The following ADAM2 variants were observed in gnomAD, a reference collection of about 807,000 sequenced individuals.
The protein encoded by ADAM2 is disintegrin and metalloproteinase domain-containing protein 2.
Under a neutral mutation model 99.3 loss-of-function variants are expected in ADAM2, and 101 were observed. That is an observed-to-expected ratio of 1.02 (90% confidence interval 0.87 to 1.20). The LOEUF (loss-of-function observed/expected upper bound fraction) is 1.20. Ranked by LOEUF, ADAM2 falls within the 50% of genes most tolerant of loss-of-function variation. The probability of loss-of-function intolerance (pLI) is 0.00; values close to 1 mark genes in which losing one functional copy is unlikely to be tolerated. For missense variants in ADAM2, 948 were observed against 878.7 expected, an observed-to-expected ratio of 1.08 and a Z score of -1.00; for synonymous variants, 323 against 287.6, an observed-to-expected ratio of 1.12 and a Z score of -1.25.
chr8:39,779,098 C>A (rs1803117153), intron 10 of ADAM2, among the ~76,000 whole-genome samples: 1 of 151,476 alleles, frequency 6.6e-6, no homozygotes, highest in African/African-American at 2.4e-5. Flanking sequence ...ATTGTATTTC[C>A]TTTCAAAGAC....
chr8:39,813,578 T>C (rs1804791346), intron 6 of ADAM2, among the ~76,000 whole-genome samples: 2 of 152,308 alleles, frequency 1.3e-5, no homozygotes, highest in East Asian at 1.9e-4. Context: ...CACCATGGAA[T>C]ACTATGTAGC....
In ADAM2 at chr8:39,829,414, T is replaced by G. The variant is rs1211739321; in HGVS notation, c.189-4517A>C. The stretch of plus-strand genomic sequence containing the variant: ...TGCTGTATTTAAAAAGTTAGAGAAA[T>G]TATTTACAGTTGGAGAAATACATAT... On this transcript the variant is annotated intron_variant, in intron 3 of 20. Transcript: ENST00000265708. Among the ~76,000 whole-genome samples, 8 of 152,074 alleles carry G rather than the reference T, an allele frequency of 5.3e-5. No homozygotes were observed. The South Asian group carries it at 1.7e-3, about 31-fold the overall frequency.
chr8:39,837,226 A>C lies in ADAM2; in HGVS notation c.56-14T>G. 1 of 1,580,070 alleles carries C rather than the reference A, an allele frequency of 6.3e-7. No individual in the cohort carries two copies. Among genetic ancestry groups the C allele is most frequent in the East Asian group, 2.3e-5 (1 of 43,938 alleles). Reference sequence around the variant, plus strand: ...AACTATCAAAATCTGCAAAATGTGCAAAATGTTTTATTAGAACAATGCCCA... The same window carrying C: ...AACTATCAAAATCTGCAAAATGTGCCAAATGTTTTATTAGAACAATGCCCA... On this transcript the variant is annotated splice_polypyrimidine_tract_variant and intron_variant, in intron 1 of 20. Coordinates refer to ENST00000265708, the MANE Select transcript of ADAM2 (RefSeq NM_001464.5).
chr8:39,833,464 C>T (rs1046839215), intron 3 of ADAM2, among the ~76,000 whole-genome samples: 1 of 151,852 alleles, frequency 6.6e-6, no homozygotes, highest in Non-Finnish European at 1.5e-5. Flanking sequence ...CTTGTTTTCC[C>T]CAAATTCATC....
chr8:39,748,786 C>T (rs947819946), intron 18 of ADAM2, among the ~76,000 whole-genome samples: 1 of 152,074 alleles, frequency 6.6e-6, no homozygotes, highest in African/African-American at 2.4e-5. Flanking sequence ...TATTATTCCC[C>T]CTTCCTCTCC....
intron 3 of ADAM2, among the ~76,000 whole-genome samples, chr8:39,831,057 A>G (rs1805596203): frequency 6.6e-6 from 1 of 152,100 alleles, no homozygotes; most frequent in Non-Finnish European, 1.5e-5. Context: ...CAGTGCCTCA[A>G]TCTTGGACTT....
intron 4 of ADAM2, 129 bp downstream of exon 4, chr8:39,824,690 C>G (rs1039464284): frequency 3.1e-5 from 20 of 654,474 alleles, no homozygotes; most frequent in Non-Finnish European, 5.5e-5. Flanking sequence ...ACATCATTAA[C>G]AGGAAAACAT....
At chr8:39,755,994 ATAAAG>A in intron 15 of ADAM2, 83 bp from the exon 16 acceptor site, 1 of 788,132 alleles carries the variant, frequency 1.3e-6, no homozygotes, top group East Asian at 3.0e-5. Context: ...ATAGATTTAA[ATAAAG>A]TATTCAAGGT....
At chr8:39,767,277 A>G (rs1218417141) in intron 12 of ADAM2, 26 bp from the exon 13 acceptor site, 1 of 1,560,140 alleles carries the variant, frequency 6.4e-7, no homozygotes. Flanking sequence ...AATGCTCTGA[A>G]GTATTTTCCA....
rs929836801 is a variant in ADAM2 at position 39,746,750 on chromosome 8, T to C, written c.2015-119A>G. 6.3e-6 allele frequency: 5 copies of C among 798,030 alleles called. No homozygotes were observed. In the African/African-American group the frequency reaches 7.3e-5, roughly 12 times the overall value. The allele number at this position is 798,030 out of a possible 1,614,324, so 49.4% of individuals were successfully genotyped here. A position where few individuals can be genotyped will look rare whatever the true frequency, so the allele number is the denominator to read the frequency against. Reference sequence around the variant, plus strand: ...TTGAACAATTTAATAATTTAAAAATTAACATATTTTCTATGAAATAGATAA... The same window carrying C: ...TTGAACAATTTAATAATTTAAAAATCAACATATTTTCTATGAAATAGATAA... On this transcript the variant is annotated intron_variant, in intron 18 of 20. Coordinates refer to ENST00000265708, the MANE Select transcript of ADAM2 (RefSeq NM_001464.5).
chr8:39,784,631 CTT>C (rs958634998), intron 10 of ADAM2, among the ~76,000 whole-genome samples: 2 of 152,170 alleles, frequency 1.3e-5, no homozygotes, highest in African/African-American at 4.8e-5. Flanking sequence ...CTGCTCTCCT[CTT>C]TGTTAATCAG....
Position 39,788,760 on chromosome 8 carries a change from T to A in ADAM2, c.571-20A>T. On this transcript the variant is annotated intron_variant, in intron 7 of 20. Coordinates refer to ENST00000265708, the MANE Select transcript of ADAM2 (RefSeq NM_001464.5). ...ATTATACTGTAAAATATTATTACAT[T>A]TTAGATATAAATATATATTGCTTAA... The A allele has an allele frequency of 7.6e-7, 1 of 1,309,954 alleles. No homozygotes were observed. Among genetic ancestry groups the A allele is most frequent in the Non-Finnish European group, 1.0e-6 (1 of 961,096 alleles). The allele number at this position is 1,309,954 out of a possible 1,614,324, so 81.1% of individuals were successfully genotyped here.
Position 39,743,741 on chromosome 8 carries a change from A to G in ADAM2, c.*354T>C, listed in dbSNP as rs890292323. 6.6e-6 allele frequency: 1 copy of G among 152,148 alleles called. No individual in the cohort carries two copies. The highest frequency in any genetic ancestry group is 1.5e-5 in the Non-Finnish European group (1 of 67,988). The allele number at this position is 152,148 out of a possible 1,614,324, so 9.4% of individuals were successfully genotyped here. ...ATAACACATACCATTGCAATTTGAAATGTAACAGTGGCTTTTAATCATAGT... is the reference window on the plus strand; with the variant it reads ...ATAACACATACCATTGCAATTTGAAGTGTAACAGTGGCTTTTAATCATAGT... On this transcript the variant is annotated 3_prime_UTR_variant, in exon 21 of 21. Coordinates refer to ENST00000265708, the MANE Select transcript of ADAM2 (RefSeq NM_001464.5).
intron 3 of ADAM2, among the ~76,000 whole-genome samples, chr8:39,829,822 G>A (rs776550626): frequency 4.6e-5 from 7 of 151,848 alleles, no homozygotes; most frequent in Non-Finnish European, 1.0e-4. Flanking sequence ...AATTACTTGC[G>A]ACAACATTGA....
intron 8 of ADAM2, 56 bp from the exon 9 acceptor site, chr8:39,788,307 A>G: frequency 8.6e-7 from 1 of 1,158,514 alleles, no homozygotes; most frequent in Non-Finnish European, 1.2e-6. Flanking sequence ...TAAAAATTAG[A>G]TATATATGTT....
At position 39,821,581 on chromosome 8, in the gene ADAM2, A is replaced by G; in HGVS notation, c.344+5T>C. 1 of 1,573,156 alleles carries G rather than the reference A, an allele frequency of 6.4e-7. No individual in the cohort carries two copies. Among genetic ancestry groups the G allele is most frequent in the Non-Finnish European group, 8.7e-7 (1 of 1,145,486 alleles). On this transcript the variant is annotated splice_donor_5th_base_variant and intron_variant, in intron 5 of 20. Transcript: ENST00000265708. ...TTTGTAATTCATAAAACAGTAAATT[A>G]CAACCTGAGTCCAGTACATGTGCTA...
rs113014878 is a variant in ADAM2, at chr8:39,838,150, G to T, written c.36C>A (p.Gly12=). The change falls in exon 1 of 21, where the codon GGC becomes GGA. Residue 12 remains glycine, a synonymous_variant. Coordinates refer to ENST00000265708, the MANE Select transcript of ADAM2 (RefSeq NM_001464.5). ...GCTTACTACTGTCCATCCGCAGCCC[G>T]CCGAGCCCGCTGAGCAGAAACAAGA... is the stretch of plus-strand genomic sequence containing the variant. ...WRVLFLLSGL[G]GLRMDSNFDS... is the part of the protein sequence containing the mutation. The T allele has an allele frequency of 1.6e-4, 256 of 1,614,078 alleles. No homozygotes were observed. The highest frequency in any genetic ancestry group is 1.7e-4 in the Middle Eastern group (1 of 6,058).
At chr8:39,745,123 C>T (rs2129582491) in intron 19 of ADAM2, among the ~76,000 whole-genome samples, 1 of 152,164 alleles carries the variant, frequency 6.6e-6, no homozygotes, top group African/African-American at 2.4e-5. Flanking sequence ...TATATGTTTA[C>T]CCGAAAAGAA....
intron 10 of ADAM2, among the ~76,000 whole-genome samples, chr8:39,785,313 T>C (rs1219437077): frequency 1.3e-5 from 2 of 152,154 alleles, no homozygotes; most frequent in East Asian, 3.9e-4. Context: ...AAAACCACAA[T>C]GAAACACCAT....
Sources: allele counts gnomAD v4.1 joint callset (sites outside exome capture counted in the v4.1 genomes callset), GRCh38; gene constraint gnomAD v4.1.1; transcripts MANE v1.5; gene names NCBI Gene and HGNC (gene_info 2026-07-23, HGNC 2026-07-21).